The following C1orf116 variants were observed in gnomAD, a reference collection of about 807,000 sequenced individuals.
C1orf116 encodes the protein specifically androgen-regulated gene protein.
In C1orf116, 12 loss-of-function variants were observed where a neutral mutation model predicts 14.1. The observed-to-expected ratio is 0.85, with a 90% CI of 0.54 to 1.38. The LOEUF is 1.38. C1orf116 is among the 40% of genes most tolerant of loss of function. The pLI is 0.00. For synonymous variants in C1orf116, 296 were observed against 299.0 expected, an observed-to-expected ratio of 0.99 and a Z score of 0.10; for missense variants, 797 against 747.0, an observed-to-expected ratio of 1.07 and a Z score of -0.78.
chr1:207,031,645 G>C (rs952613298), intron 1 of C1orf116, among the ~76,000 whole-genome samples: 1 of 152,110 alleles, frequency 6.6e-6, no homozygotes, highest in South Asian at 2.1e-4. Context: ...ACTCTGACTC[G>C]ACTCCTACAT....
At position 207,020,219 on chromosome 1, in the gene C1orf116, G is replaced by A. The variant is rs111304995; in HGVS notation, c.*1739C>T. 84 of 152,300 alleles carry A rather than the reference G, an allele frequency of 5.5e-4. No homozygotes were observed. Among genetic ancestry groups the A allele is most frequent in the African/African-American group, 2.0e-3 (82 of 41,556 alleles). 9.4% of individuals were successfully genotyped at this position (152,300 alleles called of 1,614,324 possible). On this transcript the variant is annotated 3_prime_UTR_variant, in exon 4 of 4. Coordinates refer to ENST00000359470, the MANE Select transcript of C1orf116 (RefSeq NM_023938.6). ...AGGAATGAGGCACAGGCTTTTGGAT[G>A]TGCGTGTATGAGCAAACGTACACAG...
In C1orf116 at chr1:207,021,922, G is replaced by T. The variant is rs748601849; in HGVS notation, c.*36C>A. On this transcript the variant is annotated 3_prime_UTR_variant, in exon 4 of 4. Coordinates refer to ENST00000359470, the MANE Select transcript of C1orf116 (RefSeq NM_023938.6). The stretch of plus-strand genomic sequence containing the variant: ...CCAAGTGGAGCATGTGTCTCTTCTT[G>T]TTCAGCCAGGACAGGGTCTGTACTG... 2.0e-6 allele frequency: 3 copies of T among 1,478,444 alleles called. No individual in the cohort carries two copies. The highest frequency in any genetic ancestry group is 2.7e-6 in the Non-Finnish European group (3 of 1,112,934). The allele number at this position is 1,478,444 out of a possible 1,614,324, so 91.6% of individuals were successfully genotyped here. A position where few individuals can be genotyped will look rare whatever the true frequency, so the allele number is the denominator to read the frequency against.
Position 207,024,886 on chromosome 1 carries a change from C to T in C1orf116, c.283+1G>A, listed in dbSNP as rs750322180. On this transcript the variant is annotated splice_donor_variant, in intron 3 of 3. Coordinates refer to ENST00000359470, the MANE Select transcript of C1orf116 (RefSeq NM_023938.6). LOFTEE classifies it high-confidence loss of function. The stretch of plus-strand genomic sequence containing the variant: ...GTTCCACCCCAGAGGGTCTGCCTTA[C>T]CCCGGGGAGTGGGTTGGGTTATGGG... 2 of 1,610,804 alleles carry T rather than the reference C, an allele frequency of 1.2e-6. No individual in the cohort carries two copies. The highest frequency in any genetic ancestry group is 2.2e-5 in the East Asian group (1 of 44,724).
In C1orf116 at chr1:207,022,503, C is replaced by A; in HGVS notation, c.1261G>T (p.Ala421Ser). 6.2e-7 allele frequency: 1 copy of A among 1,614,166 alleles called. No individual in the cohort carries two copies. The highest frequency in any genetic ancestry group is 1.1e-5 in the South Asian group (1 of 91,080). The change falls in exon 4 of 4, where the codon GCT becomes TCT. Residue 421 changes from alanine (A) to serine (S), a missense_variant. Physicochemically the swap from Ala to Ser is moderately conservative, Grantham distance 99. Transcript: ENST00000359470. ...GACTTCATTGGCAAAGGTCCCTGAG[C>A]TGGACCTGGAGCTGGAGCCGGAGCT... ...AQAPAPAPGP[A>S]QGPLPMKSPA...
At position 207,023,155 on chromosome 1, in the gene C1orf116, A is replaced by T. The variant is rs778506616; in HGVS notation, c.609T>A (p.Ala203=). ...LDVVLIPPPE[A]FRDTQPEQCR... ...ACTGCTCTGGCTGGGTGTCCCGGAAAGCTTCTGGCGGAGGGATGAGCACCA... is the reference window on the plus strand; with the variant it reads ...ACTGCTCTGGCTGGGTGTCCCGGAATGCTTCTGGCGGAGGGATGAGCACCA... Residue 203 remains alanine, a synonymous_variant, in exon 4 of 4, where the codon GCT becomes GCA. Coordinates refer to ENST00000359470, the MANE Select transcript of C1orf116 (RefSeq NM_023938.6). 6.2e-7 allele frequency: 1 copy of T among 1,611,474 alleles called. No individual in the cohort carries two copies. Among genetic ancestry groups the T allele is most frequent in the Non-Finnish European group, 8.5e-7 (1 of 1,178,724 alleles).
In C1orf116 at chr1:207,022,675, A is replaced by G. The variant is rs1681921990; in HGVS notation, c.1089T>C (p.Pro363=). ...KLGLPQDQDE[P]GLHLSKPTSS... The stretch of plus-strand genomic sequence containing the variant: ...TGGTGGGCTTACTTAAGTGGAGTCC[A>G]GGCTCATCTTGATCCTGGGGTAGCC... Residue 363 remains proline, a synonymous_variant, in exon 4 of 4, where the codon CCT becomes CCC. Transcript: ENST00000359470. The G allele has an allele frequency of 6.2e-7, 1 of 1,614,050 alleles. No individual in the cohort carries two copies. The highest frequency in any genetic ancestry group is 8.5e-7 in the Non-Finnish European group (1 of 1,180,022).
Position 207,018,713 on chromosome 1 carries a change from T to TA in C1orf116, c.*3244_*3245insT, listed in dbSNP as rs1681733322. Reference sequence around the variant, plus strand: ...TGACTGGTAAGTGATGGAGGCTGAATTTGAGCCAGATCTATATGCTCCATC... The same window carrying TA: ...TGACTGGTAAGTGATGGAGGCTGAATATTGAGCCAGATCTATATGCTCCATC... On this transcript the variant is annotated 3_prime_UTR_variant, in exon 4 of 4. Coordinates refer to ENST00000359470, the MANE Select transcript of C1orf116 (RefSeq NM_023938.6). 1 of 152,142 alleles carries TA rather than the reference T, an allele frequency of 6.6e-6. No homozygotes were observed. The highest frequency in any genetic ancestry group is 1.9e-4 in the East Asian group (1 of 5,190). 9.4% of individuals were successfully genotyped at this position (152,142 alleles called of 1,614,324 possible).
rs756984213 is a variant in C1orf116 at position 207,027,490 on chromosome 1, G to A, written c.105+4C>T. On this transcript the variant is annotated splice_donor_region_variant and intron_variant, in intron 2 of 3. Coordinates refer to ENST00000359470, the MANE Select transcript of C1orf116 (RefSeq NM_023938.6). ...CAGGTTGCGGGAGGGAGAGTATTAC[G>A]TACAGATCCAGAGCGGGTGGAGGTG... The A allele has an allele frequency of 2.0e-5, 32 of 1,613,616 alleles. No individual in the cohort carries two copies. The highest frequency in any genetic ancestry group is 5.0e-5 in the Admixed American group (3 of 60,004).
Position 207,024,833 on chromosome 1 carries a change from A to G in C1orf116, c.283+54T>C, listed in dbSNP as rs1682021254. 1.9e-6 allele frequency: 3 copies of G among 1,583,076 alleles called. No homozygotes were observed. The East Asian group carries it at 6.8e-5, about 36-fold the overall frequency. On this transcript the variant is annotated intron_variant, in intron 3 of 3. Transcript: ENST00000359470. Reference sequence around the variant, plus strand: ...GCGAGGTAGAAAGTGGCCGGAGGGGACATATTGATTTTCTGGGTTTTGCTG... The same window carrying G: ...GCGAGGTAGAAAGTGGCCGGAGGGGGCATATTGATTTTCTGGGTTTTGCTG...
chr1:207,027,604 G>A lies in C1orf116; in HGVS notation c.-6C>T, dbSNP rs774826930. The A allele has an allele frequency of 2.0e-5, 32 of 1,611,300 alleles. No homozygotes were observed. Among genetic ancestry groups the A allele is most frequent in the South Asian group, 1.5e-4 (14 of 91,088 alleles). ...CACAGCTCCCTCTCGGGCATCACCC[G>A]AAACAAGGTGCAGGGATGGCAAAGG... is the stretch of plus-strand genomic sequence containing the variant. On this transcript the variant is annotated 5_prime_UTR_variant, in exon 2 of 4. Coordinates refer to ENST00000359470, the MANE Select transcript of C1orf116 (RefSeq NM_023938.6).
chr1:207,032,159 G>A (rs2629678), intron 1 of C1orf116, among the ~76,000 whole-genome samples: 17,091 of 152,060 alleles, frequency 0.11, 3,145 homozygotes, highest in African/African-American at 0.38. Flanking sequence ...GTAAAGCCAC[G>A]GGAGAATTTC....
At position 207,019,727 on chromosome 1, in the gene C1orf116, T is replaced by C. The variant is rs1681775942; in HGVS notation, c.*2231A>G. 1 of 152,156 alleles carries C rather than the reference T, an allele frequency of 6.6e-6. No individual in the cohort carries two copies. The highest frequency in any genetic ancestry group is 2.4e-5 in the African/African-American group (1 of 41,444). The allele number at this position is 152,156 out of a possible 1,614,324, so 9.4% of individuals were successfully genotyped here. ...AGGATGTGGAGAAGCACGGTATCTT[T>C]AAAAAACAAGGGAAGGGAGTCTCAG... On this transcript the variant is annotated 3_prime_UTR_variant, in exon 4 of 4. Coordinates refer to ENST00000359470, the MANE Select transcript of C1orf116 (RefSeq NM_023938.6).
At chr1:207,024,765 G>T in intron 3 of C1orf116, 122 bp downstream of exon 3, 1 of 1,250,248 alleles carries the variant, frequency 8.0e-7, no homozygotes, top group South Asian at 1.4e-5. Flanking sequence ...TGAGGAGTGT[G>T]GCTACACCTT....
rs1035591314 is a variant in C1orf116 at position 207,019,863 on chromosome 1, T to C, written c.*2095A>G. On this transcript the variant is annotated 3_prime_UTR_variant, in exon 4 of 4. Coordinates refer to ENST00000359470, the MANE Select transcript of C1orf116 (RefSeq NM_023938.6). Reference sequence around the variant, plus strand: ...GGGAGAAATGACCTTTCTCAGGATGTGGGAATATAATAGGCTGTACTCCTG... The same window carrying C: ...GGGAGAAATGACCTTTCTCAGGATGCGGGAATATAATAGGCTGTACTCCTG... 3.9e-5 allele frequency: 6 copies of C among 152,206 alleles called. No individual in the cohort carries two copies. The highest frequency in any genetic ancestry group is 7.3e-5 in the Non-Finnish European group (5 of 68,038). 9.4% of individuals were successfully genotyped at this position (152,206 alleles called of 1,614,324 possible).
rs78422243 is a variant in C1orf116 at position 207,022,288 on chromosome 1, G to T, written c.1476C>A (p.Ser492Arg). The change falls in exon 4 of 4, where the codon AGC becomes AGA. Residue 492 changes from serine (S) to arginine (R), a missense_variant. Transcript: ENST00000359470. ...NTLERSGVGL[S>R]SYLSTEKDAS... ...CATCTTTCTCAGTTGAAAGGTAGCT[G>T]CTCAGTCCCACGCCTGAGCGCTCCA... 6.2e-7 allele frequency: 1 copy of T among 1,613,750 alleles called. No homozygotes were observed. Among genetic ancestry groups the T allele is most frequent in the Non-Finnish European group, 8.5e-7 (1 of 1,179,838 alleles).
In C1orf116 at chr1:207,022,386, G is replaced by T; in HGVS notation, c.1378C>A (p.Pro460Thr). The T allele has an allele frequency of 1.9e-6, 3 of 1,614,170 alleles. No individual in the cohort carries two copies. Among genetic ancestry groups the T allele is most frequent in the Non-Finnish European group, 2.5e-6 (3 of 1,180,012 alleles). ...RANSALTPPK[P>T]ESGLTLQESN... ...TCCTGGAGAGTCAGCCCTGACTCTG[G>T]CTTCGGTGGAGTCAGGGCACTGTTT... Residue 460 changes from proline to threonine, a missense_variant, in exon 4 of 4, where the codon CCA becomes ACA. Physicochemically the swap from Pro to Thr is conservative, Grantham distance 38 (BLOSUM62 -1). Coordinates refer to ENST00000359470, the MANE Select transcript of C1orf116 (RefSeq NM_023938.6).
intron 1 of C1orf116, among the ~76,000 whole-genome samples, chr1:207,027,942 CA>C (rs1004480166): frequency 5.9e-5 from 9 of 152,170 alleles, no homozygotes; most frequent in African/African-American, 2.2e-4. Flanking sequence ...TTCTCTGAAC[CA>C]AGGAGCTTAA....
In C1orf116 at chr1:207,027,693, A is replaced by G; in HGVS notation, c.-81-14T>C. ...CCCAAGCCGGGCCTGAAAAGAGAAGAATCAAAGCCACACATGAGCCGAGGC... is the reference window on the plus strand; with the variant it reads ...CCCAAGCCGGGCCTGAAAAGAGAAGGATCAAAGCCACACATGAGCCGAGGC... On this transcript the variant is annotated splice_polypyrimidine_tract_variant and intron_variant, in intron 1 of 3. Transcript: ENST00000359470. 6.5e-7 allele frequency: 1 copy of G among 1,541,194 alleles called. No individual in the cohort carries two copies.
In C1orf116 at chr1:207,025,079, G is replaced by T; in HGVS notation, c.106-15C>A. 1 of 1,406,854 alleles carries T rather than the reference G, an allele frequency of 7.1e-7. No homozygotes were observed. Among genetic ancestry groups the T allele is most frequent in the Non-Finnish European group, 9.6e-7 (1 of 1,038,074 alleles). 87.1% of individuals were successfully genotyped at this position (1,406,854 alleles called of 1,614,324 possible). ...CTGCTATCACTCTGTTGGGTTTGGG[G>T]TTGGGGGCGGGGGCGGGGAGGCGGG... On this transcript the variant is annotated splice_polypyrimidine_tract_variant and intron_variant, in intron 2 of 3. Transcript: ENST00000359470.
Sources: allele counts gnomAD v4.1 joint callset (sites outside exome capture counted in the v4.1 genomes callset), GRCh38; gene constraint gnomAD v4.1.1; transcripts MANE v1.5; gene names NCBI Gene and HGNC (gene_info 2026-07-23, HGNC 2026-07-21).